Variants in CACNA2D1 observed in about 807,000 individuals in gnomAD.
CACNA2D1 encodes the protein voltage-dependent calcium channel subunit alpha-2/delta-1.
In CACNA2D1, 53 loss-of-function variants were observed where a neutral mutation model predicts 171.5. That is an observed-to-expected ratio of 0.31 (90% CI 0.25 to 0.39). The LOEUF is 0.39. Among genes scored for constraint, CACNA2D1 ranks in the 10% least tolerant of loss-of-function variants. The pLI is 1.00. For missense variants in CACNA2D1, 903 were observed against 1,299.8 expected (o/e 0.69, Z 4.69); for synonymous variants, 442 against 443.1 (o/e 1.00, Z 0.03).
At chr7:82,008,983 G>A (rs1799438045) in intron 15 of CACNA2D1, among the ~76,000 whole-genome samples, 1 of 152,096 alleles carries the variant, frequency 6.6e-6, no homozygotes, top group South Asian at 2.1e-4. Context: ...TTGGGTGCAT[G>A]ATGATTGATA....
chr7:82,396,855 A>G (rs769762541), intron 1 of CACNA2D1, among the ~76,000 whole-genome samples: 1 of 152,220 alleles, frequency 6.6e-6, no homozygotes, highest in Non-Finnish European at 1.5e-5. Flanking sequence ...CTACCTCCTC[A>G]TTGAAAAGAA....
chr7:82,209,713 C>T (rs748651205), intron 3 of CACNA2D1, among the ~76,000 whole-genome samples: 13 of 152,062 alleles, frequency 8.5e-5, no homozygotes, highest in Non-Finnish European at 1.6e-4. Context: ...AACAAAAACA[C>T]GCATTTTTCT....
chr7:82,155,225 T>C (rs1334715235), intron 4 of CACNA2D1, among the ~76,000 whole-genome samples: 1 of 152,140 alleles, frequency 6.6e-6, no homozygotes, highest in Non-Finnish European at 1.5e-5. Flanking sequence ...TATTTTCTTT[T>C]TAAATTATCC....
intron 1 of CACNA2D1, among the ~76,000 whole-genome samples, chr7:82,415,985 C>T (rs536869517): frequency 1.2e-4 from 18 of 151,884 alleles, no homozygotes; most frequent in South Asian, 6.3e-4. Flanking sequence ...GAGGCCAAGA[C>T]GGGTGGATTG....
intron 10 of CACNA2D1, among the ~76,000 whole-genome samples, chr7:82,043,103 A>G (rs1027219262): frequency 6.6e-6 from 1 of 152,208 alleles, no homozygotes; most frequent in Admixed American, 6.5e-5. Flanking sequence ...CCAGTATAAA[A>G]TGTTGATCAA....
intron 3 of CACNA2D1, among the ~76,000 whole-genome samples, chr7:82,290,369 G>A (rs909570378): frequency 1.3e-5 from 2 of 152,078 alleles, no homozygotes; most frequent in Non-Finnish European, 1.5e-5. Context: ...TCTTTCAGCA[G>A]TAATATACTA....
intron 4 of CACNA2D1, among the ~76,000 whole-genome samples, chr7:82,138,077 C>T (rs1287560473): frequency 2.0e-5 from 3 of 151,984 alleles, no homozygotes; most frequent in Admixed American, 2.0e-4. Flanking sequence ...TGTCTCTTTT[C>T]GGCAGAACTT....
At chr7:82,266,156 T>C (rs1807817571) in intron 3 of CACNA2D1, among the ~76,000 whole-genome samples, 1 of 152,094 alleles carries the variant, frequency 6.6e-6, no homozygotes, top group Non-Finnish European at 1.5e-5. Context: ...ATAAACCAAT[T>C]TGGAAGATGA....
At chr7:82,192,554 A>T (rs1798439400) in intron 3 of CACNA2D1, among the ~76,000 whole-genome samples, 1 of 150,258 alleles carries the variant, frequency 6.7e-6, no homozygotes, top group Admixed American at 6.7e-5. Flanking sequence ...ATCCTTGAGA[A>T]ATATCTGTGT....
intron 6 of CACNA2D1, among the ~76,000 whole-genome samples, chr7:82,100,013 T>G (rs1812478593): frequency 6.6e-6 from 1 of 152,132 alleles, no homozygotes; most frequent in Non-Finnish European, 1.5e-5. Context: ...GGTTGCATGT[T>G]TACCTATGTA....
chr7:82,108,469 C>A (rs532239688), intron 6 of CACNA2D1, among the ~76,000 whole-genome samples: 1 of 152,248 alleles, frequency 6.6e-6, no homozygotes, highest in South Asian at 2.1e-4. Flanking sequence ...GTCCCTACCT[C>A]CAAGTATCAC....
chr7:82,366,296 T>C (rs528376488), intron 1 of CACNA2D1, among the ~76,000 whole-genome samples: 8 of 152,194 alleles, frequency 5.3e-5, no homozygotes, highest in Non-Finnish European at 1.0e-4. Flanking sequence ...AATGCTGAAT[T>C]CAGTCTAGGG....
At chr7:82,379,688 C>T (rs2040976) in intron 1 of CACNA2D1, among the ~76,000 whole-genome samples, 73,280 of 151,872 alleles carry the variant, frequency 0.48, 18,149 homozygotes, top group African/African-American at 0.57. Flanking sequence ...ACACAAAGTT[C>T]TGTTGATATG....
At chr7:82,150,325 T>TCCCC (rs147202376) in intron 4 of CACNA2D1, among the ~76,000 whole-genome samples, 1 of 142,482 alleles carries the variant, frequency 7.0e-6, no homozygotes, top group African/African-American at 2.6e-5. Flanking sequence ...ACTTTTTTTT[T>TCCCC]CCCCCCAGTA....
intron 3 of CACNA2D1, among the ~76,000 whole-genome samples, chr7:82,305,310 C>T (rs538023550): frequency 6.6e-6 from 1 of 152,226 alleles, no homozygotes; most frequent in African/African-American, 2.4e-5. Flanking sequence ...AAAAATATTT[C>T]GCTCCAAAAT....
intron 3 of CACNA2D1, among the ~76,000 whole-genome samples, chr7:82,201,485 A>C (rs187710243): frequency 6.6e-6 from 1 of 152,328 alleles, no homozygotes; most frequent in African/African-American, 2.4e-5. Context: ...CTTAGCAAAT[A>C]CACTGGATTA....
intron 10 of CACNA2D1, among the ~76,000 whole-genome samples, chr7:82,047,567 T>C (rs996031269): frequency 2.0e-5 from 3 of 152,132 alleles, no homozygotes; most frequent in African/African-American, 4.8e-5. Context: ...TTATCACTGA[T>C]TGAAACTGTT....
chr7:82,176,461 G>T (rs1296135087), intron 3 of CACNA2D1, among the ~76,000 whole-genome samples: 1 of 151,942 alleles, frequency 6.6e-6, no homozygotes, highest in Non-Finnish European at 1.5e-5. Flanking sequence ...AAATTGCTCT[G>T]TATGTTTAAA....
At chr7:82,194,350 T>G (rs1299559023) in intron 3 of CACNA2D1, among the ~76,000 whole-genome samples, 3 of 152,032 alleles carry the variant, frequency 2.0e-5, no homozygotes, top group African/African-American at 7.2e-5. Flanking sequence ...TGCATGTTCA[T>G]GCAGGGATAG....
Sources: allele counts gnomAD v4.1 joint callset (sites outside exome capture counted in the v4.1 genomes callset), GRCh38; gene constraint gnomAD v4.1.1; transcripts MANE v1.5; gene names NCBI Gene and HGNC (gene_info 2026-07-23, HGNC 2026-07-21).